NAALADL2: variants seen among roughly 807,000 people sequenced by gnomAD.
The protein encoded by NAALADL2 is inactive N-acetylated-alpha-linked acidic dipeptidase-like protein 2.
Under a neutral mutation model 87.2 loss-of-function variants are expected in NAALADL2, and 76 were observed. The observed-to-expected ratio is 0.87, with a 90% CI of 0.72 to 1.05. NAALADL2 has a LOEUF of 1.05. NAALADL2 is among the 50% of genes least tolerant of loss of function. The probability of loss-of-function intolerance (pLI) is 0.00; values close to 1 mark genes in which losing one functional copy is unlikely to be tolerated. For synonymous variants in NAALADL2, 354 were observed against 331.0 expected (o/e 1.07, Z -0.75); for missense variants, 1,089 against 945.8 (o/e 1.15, Z -1.99).
intron 12 of NAALADL2, among the ~76,000 whole-genome samples, chr3:175,751,803 T>G (rs1583111250): frequency 1.3e-5 from 2 of 152,268 alleles, no homozygotes; most frequent in South Asian, 2.1e-4. Flanking sequence ...GTTTGTCCTC[T>G]TTTCTCTGAA....
At chr3:175,701,139 G>A (rs1261605150) in intron 11 of NAALADL2, among the ~76,000 whole-genome samples, 2 of 152,126 alleles carry the variant, frequency 1.3e-5, no homozygotes, top group South Asian at 2.1e-4. Context: ...GGTTTACAGT[G>A]CAGAAGGAGA....
intron 2 of NAALADL2, among the ~76,000 whole-genome samples, chr3:174,704,468 A>C (rs1036754083): frequency 7.2e-5 from 11 of 152,116 alleles, no homozygotes; most frequent in African/African-American, 2.7e-4. Context: ...ATTAATACTG[A>C]ATTTAATTTA....
intron 2 of NAALADL2, among the ~76,000 whole-genome samples, chr3:175,131,132 G>C (rs538829946): frequency 2.2e-4 from 32 of 147,634 alleles, no homozygotes; most frequent in African/African-American, 7.4e-4. Flanking sequence ...CTTTGGTTAA[G>C]TTTATTTCTA....
chr3:174,703,712 G>A (rs1170788866), intron 2 of NAALADL2, among the ~76,000 whole-genome samples: 3 of 152,068 alleles, frequency 2.0e-5, no homozygotes, highest in East Asian at 1.9e-4. Context: ...TTATAACCTC[G>A]TTAAGGTACA....
intron 11 of NAALADL2, among the ~76,000 whole-genome samples, chr3:175,678,022 A>C (rs1032921259): frequency 9.9e-5 from 15 of 152,194 alleles, no homozygotes; most frequent in African/African-American, 3.6e-4. Context: ...TGGAAGATTC[A>C]AAGGGTTAGG....
At chr3:175,773,188 A>T (rs923521452) in intron 13 of NAALADL2, 1 of 152,290 alleles carries the variant, frequency 6.6e-6, no homozygotes, top group East Asian at 1.9e-4. Context: ...CTTAAATAAC[A>T]TTTAACCTTC....
At chr3:175,403,425 A>T (rs1247762439) in intron 5 of NAALADL2, among the ~76,000 whole-genome samples, 3 of 152,092 alleles carry the variant, frequency 2.0e-5, no homozygotes, top group Non-Finnish European at 4.4e-5. Flanking sequence ...ATATTCATTT[A>T]GTCCTTTGAA....
chr3:175,600,525 CTTTTTTTTTTTTTTTTT>C (rs869212429), intron 10 of NAALADL2, among the ~76,000 whole-genome samples: 2 of 61,040 alleles, frequency 3.3e-5, no homozygotes, highest in Admixed American at 6.0e-4. Flanking sequence ...GTGTCTTAGT[CTTTTTTTTTTTTTTTTT>C]TTTTTTTTTT....
chr3:175,383,168 T>A (rs1170439932), intron 5 of NAALADL2, among the ~76,000 whole-genome samples: 2 of 152,068 alleles, frequency 1.3e-5, no homozygotes. Flanking sequence ...CGTTTATCAT[T>A]CCTTTGTGTT....
Position 175,548,546 on chromosome 3 carries a change from C to T in NAALADL2, c.1654-27495C>T, listed in dbSNP as rs531916070. Among the ~76,000 whole-genome samples, 3 of 151,992 alleles carry T rather than the reference C, an allele frequency of 2.0e-5. No individual in the cohort carries two copies. The South Asian group carries it at 6.2e-4, about 32-fold the overall frequency. On this transcript the variant is annotated intron_variant, in intron 9 of 13. Coordinates refer to ENST00000454872, the MANE Select transcript of NAALADL2 (RefSeq NM_207015.3). ...GCAAACTTGCATTTGTACCTCTGAA[C>T]TTAAAATAAAAGTTAGAAAAGAAAA...
intron 1 of NAALADL2, among the ~76,000 whole-genome samples, chr3:174,993,959 T>A (rs973736961): frequency 2.0e-5 from 3 of 152,178 alleles, no homozygotes; most frequent in Non-Finnish European, 2.9e-5. Context: ...TCTCCCTGTG[T>A]GTCTATGTCC....
intron 1 of NAALADL2, among the ~76,000 whole-genome samples, chr3:174,954,981 A>G (rs1353114972): frequency 6.6e-6 from 1 of 152,090 alleles, no homozygotes; most frequent in Non-Finnish European, 1.5e-5. Flanking sequence ...ACAATATATT[A>G]TTTTTTAAAG....
chr3:175,224,562 C>A (rs996941139), intron 2 of NAALADL2, among the ~76,000 whole-genome samples: 4 of 152,114 alleles, frequency 2.6e-5, no homozygotes, highest in Non-Finnish European at 5.9e-5. Flanking sequence ...TCCCAAAACT[C>A]CCATCTCCAC....
chr3:174,945,193 G>A lies in NAALADL2; in HGVS notation c.43+85743G>A, dbSNP rs146699042. ...GGTATACCAGAATTAATGAGAAACC[G>A]TGTACCAGGCTCTGAGCCAAGCACT... On this transcript the variant is annotated intron_variant, in intron 1 of 13. Transcript: ENST00000454872. 2.7e-3 allele frequency among the ~76,000 whole-genome samples: 413 copies of A among 152,282 alleles called. 5 individuals carry two copies. Among genetic ancestry groups the A allele is most frequent in the Admixed American group, 0.024 (373 of 15,300 alleles).
At chr3:174,855,795 C>T (rs1725776870), upstream of NAALADL2, among the ~76,000 whole-genome samples, 1 of 149,246 alleles carries the variant, frequency 6.7e-6, no homozygotes, top group Admixed American at 6.7e-5. Flanking sequence ...CACACACACA[C>T]ACACACACAC....
rs567439283 is a variant in NAALADL2, at chr3:175,172,162, C to T, written c.546-61769C>T. The stretch of plus-strand genomic sequence containing the variant: ...TGTATGCAACAAAATATCACATGTA[C>T]CCCACAAATACGTGTAATGTTATGT... On this transcript the variant is annotated intron_variant, in intron 2 of 13. Transcript: ENST00000454872. Among the ~76,000 whole-genome samples the T allele has an allele frequency of 9.2e-5, 14 of 152,138 alleles. No individual in the cohort carries two copies. The South Asian group carries it at 2.9e-3, about 32-fold the overall frequency.
intron 6 of NAALADL2, among the ~76,000 whole-genome samples, chr3:175,454,207 C>A (rs2149244469): frequency 6.6e-6 from 1 of 152,110 alleles, no homozygotes; most frequent in Non-Finnish European, 1.5e-5. Flanking sequence ...TAGTTTTCAT[C>A]TTAATTAGGG....
chr3:175,480,665 G>A (rs9861378), intron 9 of NAALADL2, among the ~76,000 whole-genome samples: 91,392 of 151,560 alleles, frequency 0.6, 29,608 homozygotes, highest in East Asian at 0.89. Flanking sequence ...AGTTTTTTCT[G>A]GCTTTATACA....
At chr3:175,315,876 A>G (rs1759077508) in intron 4 of NAALADL2, among the ~76,000 whole-genome samples, 1 of 152,194 alleles carries the variant, frequency 6.6e-6, no homozygotes, top group African/African-American at 2.4e-5. Context: ...GGCTTTTTTA[A>G]CAATAGAAAT....
Sources: gnomAD v4.1 joint callset for allele counts (sites outside exome capture counted in the v4.1 genomes callset) on GRCh38, gnomAD v4.1.1 for gene constraint, MANE v1.5 for transcripts, NCBI Gene and HGNC (gene_info 2026-07-23, HGNC 2026-07-21) for gene names.